The following SNX18 variants were observed in gnomAD, a reference collection of about 807,000 sequenced individuals.
SNX18 encodes the protein sorting nexin 18, also known as sorting nexin-18.
In SNX18, 35 loss-of-function variants were observed where a neutral mutation model predicts 48.7. The observed-to-expected ratio is 0.72, with a 90% confidence interval of 0.55 to 0.95. The LOEUF (loss-of-function observed/expected upper bound fraction) is 0.95. SNX18 is among the 40% of genes least tolerant of loss of function. The probability of loss-of-function intolerance (pLI) is 0.00; values close to 1 mark genes in which losing one functional copy is unlikely to be tolerated. For synonymous variants in SNX18, 492 were observed against 384.7 expected (o/e 1.28, Z -3.26); for missense variants, 824 against 871.0 (o/e 0.95, Z 0.68).
At chr5:54,615,458 G>C in the SNX18 span, among the ~76,000 whole-genome samples, 1 of 152,064 alleles carries the variant, frequency 6.6e-6, no homozygotes, top group Non-Finnish European at 1.5e-5. Context: ...CATCTCCTCT[G>C]TAAGGATGTT....
the SNX18 span, among the ~76,000 whole-genome samples, chr5:54,610,514 G>A: frequency 5.7e-4 from 87 of 152,278 alleles, no homozygotes; most frequent in African/African-American, 2.0e-3. Flanking sequence ...AGAGTTTTCC[G>A]CTCAGCCAAG....
At chr5:54,606,089 A>G in the SNX18 span, among the ~76,000 whole-genome samples, 1 of 152,256 alleles carries the variant, frequency 6.6e-6, no homozygotes. Flanking sequence ...TATTGCAATA[A>G]ATAAAGATGT....
the SNX18 span, among the ~76,000 whole-genome samples, chr5:54,555,152 C>T: frequency 1.6e-4 from 25 of 152,196 alleles, no homozygotes; most frequent in African/African-American, 6.0e-4. Flanking sequence ...TCCTTTGGGA[C>T]GGGGTTCAGG....
chr5:54,619,936 C>G, the SNX18 span, among the ~76,000 whole-genome samples: 1 of 152,124 alleles, frequency 6.6e-6, no homozygotes, highest in Non-Finnish European at 1.5e-5. Context: ...CCCAGTAAAT[C>G]TACATTTTAC....
the SNX18 span, among the ~76,000 whole-genome samples, chr5:54,641,691 A>G: frequency 6.6e-6 from 1 of 152,222 alleles, no homozygotes; most frequent in Admixed American, 6.5e-5. Flanking sequence ...TTATTCTGTA[A>G]GTGACAGGGA....
the SNX18 span, among the ~76,000 whole-genome samples, chr5:54,627,348 C>A: frequency 6.6e-6 from 1 of 152,158 alleles, no homozygotes; most frequent in African/African-American, 2.4e-5. Flanking sequence ...TGTTTAGCTT[C>A]TCTAATGCTT....
At chr5:54,526,374 C>A (rs547241708) in intron 1 of SNX18, among the ~76,000 whole-genome samples, 1 of 152,148 alleles carries the variant, frequency 6.6e-6, no homozygotes, top group Admixed American at 6.6e-5. Flanking sequence ...TTCCAAAGTG[C>A]TGGGATTACA....
chr5:54,583,978 C>T, the SNX18 span, among the ~76,000 whole-genome samples: 2 of 152,026 alleles, frequency 1.3e-5, no homozygotes, highest in Admixed American at 1.3e-4. Flanking sequence ...GAGCCCTTGA[C>T]ACTGACTGCC....
the SNX18 span, among the ~76,000 whole-genome samples, chr5:54,589,156 C>A: frequency 6.6e-6 from 1 of 152,192 alleles, no homozygotes; most frequent in East Asian, 1.9e-4. Context: ...CAACCCCCTG[C>A]CCTGCGGTCA....
At chr5:54,646,238 TTATC>T in the SNX18 span, among the ~76,000 whole-genome samples, 1 of 152,214 alleles carries the variant, frequency 6.6e-6, no homozygotes, top group African/African-American at 2.4e-5. Flanking sequence ...ATCCAGATTT[TTATC>T]TCTCTCCCCA....
At position 54,544,225 on chromosome 5, in the gene SNX18, C is replaced by T. The variant is rs2111615575; in HGVS notation, c.*793C>T. 6.6e-6 allele frequency: 1 copy of T among 152,224 alleles called. No individual in the cohort carries two copies. Among genetic ancestry groups the T allele is most frequent in the South Asian group, 2.1e-4 (1 of 4,816 alleles). 9.4% of individuals were successfully genotyped at this position (152,224 alleles called of 1,614,324 possible). On this transcript the variant is annotated 3_prime_UTR_variant, in exon 2 of 2. Transcript: ENST00000381410. ...TAGCATAGCCTCTTCACCCAGGCGTCCCAAAAGCTTGGCGTGAAGATTTCA... is the reference window on the plus strand; with the variant it reads ...TAGCATAGCCTCTTCACCCAGGCGTTCCAAAAGCTTGGCGTGAAGATTTCA...
chr5:54,647,540 G>C, the SNX18 span, among the ~76,000 whole-genome samples: 56 of 152,324 alleles, frequency 3.7e-4, no homozygotes, highest in South Asian at 0.011. Flanking sequence ...GGAACTATAA[G>C]CAGTTGAAGT....
the SNX18 span, among the ~76,000 whole-genome samples, chr5:54,567,739 G>C: frequency 6.6e-6 from 1 of 152,188 alleles, no homozygotes; most frequent in Non-Finnish European, 1.5e-5. Flanking sequence ...AGTGGCCATG[G>C]GATGTAAGTA....
In SNX18 at chr5:54,518,833, G is replaced by A; in HGVS notation, c.881G>A (p.Ser294Asn). ...TKQTKFKGMK[S>N]YISYKLVPTH... is the part of the protein sequence containing the mutation. ...CAGACCAAGTTCAAGGGCATGAAGA[G>A]CTACATCTCCTACAAGCTGGTGCCC... The change falls in exon 1 of 2, where the codon AGC (serine) becomes AAC (asparagine). Residue 294 changes from serine to asparagine, a missense_variant. Ser to Asn is a conservative substitution (Grantham distance 46). Transcript: ENST00000381410. The A allele has an allele frequency of 6.2e-7, 1 of 1,610,174 alleles. No homozygotes were observed. Among genetic ancestry groups the A allele is most frequent in the Non-Finnish European group, 8.5e-7 (1 of 1,177,668 alleles).
the SNX18 span, among the ~76,000 whole-genome samples, chr5:54,612,949 C>T: frequency 6.6e-6 from 1 of 152,228 alleles, no homozygotes; most frequent in African/African-American, 2.4e-5. Context: ...GACCTTTTCC[C>T]TTCCTCCTTT....
chr5:54,572,754 G>GTGTGTGTGTGTGTA, the SNX18 span, among the ~76,000 whole-genome samples: 2 of 31,860 alleles, frequency 6.3e-5, no homozygotes, highest in African/African-American at 2.4e-4. Context: ...GTGTGTGTGT[G>GTGTGTGTGTGTGTA]TATATATATA....
the SNX18 span, among the ~76,000 whole-genome samples, chr5:54,577,189 A>G: frequency 1.3e-5 from 2 of 152,144 alleles, no homozygotes; most frequent in African/African-American, 4.8e-5. Flanking sequence ...GTTTTTAGCC[A>G]TGACACCTTG....
chr5:54,536,799 T>C (rs181845637), intron 1 of SNX18, among the ~76,000 whole-genome samples: 11 of 152,338 alleles, frequency 7.2e-5, no homozygotes, highest in African/African-American at 2.4e-4. Context: ...CTTGAGGAAT[T>C]GCCACACTGT....
intron 1 of SNX18, among the ~76,000 whole-genome samples, chr5:54,525,453 T>A (rs1051879164): frequency 2.6e-5 from 4 of 152,070 alleles, no homozygotes; most frequent in African/African-American, 9.7e-5. Context: ...CCTGGCAACC[T>A]ATTGCCACCA....
Sources: gnomAD v4.1 joint callset for allele counts (sites outside exome capture counted in the v4.1 genomes callset) on GRCh38, gnomAD v4.1.1 for gene constraint, MANE v1.5 for transcripts, NCBI Gene and HGNC (gene_info 2026-07-23, HGNC 2026-07-21) for gene names.